Variants in DBNDD2 observed in about 807,000 individuals in gnomAD.
The protein encoded by DBNDD2 is dysbindin domain containing 2.
A neutral mutation model predicts 14.0 loss-of-function variants in DBNDD2; 8 were observed. That is an observed-to-expected ratio of 0.57 (90% CI 0.33 to 1.03). The LOEUF (loss-of-function observed/expected upper bound fraction) is 1.03, where lower values mean the gene tolerates loss of function less well. Ranked by LOEUF, DBNDD2 falls within the 50% of genes least tolerant of loss-of-function variation. The probability of loss-of-function intolerance (pLI) is 0.03; values close to 1 mark genes in which losing one functional copy is unlikely to be tolerated. For missense variants in DBNDD2, 194 were observed against 206.0 expected (o/e 0.94, Z 0.36); for synonymous variants, 94 against 85.3 (o/e 1.10, Z -0.56).
upstream of DBNDD2, chr20:45,407,676 G>A: frequency 1.0e-6 from 1 of 991,482 alleles, no homozygotes; most frequent in Non-Finnish European, 1.2e-6. Context: ...TCAGTGAGAT[G>A]TGTCCCAGGA....
chr20:45,407,313 C>T, upstream of DBNDD2: 1 of 986,070 alleles, frequency 1.0e-6, no homozygotes, highest in East Asian at 1.1e-4. Context: ...CCCAGACTTC[C>T]GTGGCCCTGC....
At chr20:45,406,568 C>T (rs1375761520), upstream of DBNDD2, 2 of 1,483,258 alleles carry the variant, frequency 1.3e-6, no homozygotes, top group Non-Finnish European at 1.8e-6. Context: ...CCCTCCCCCA[C>T]TTCCGCCTCC....
upstream of DBNDD2, chr20:45,407,928 G>T (rs748434492): frequency 7.4e-7 from 1 of 1,356,808 alleles, no homozygotes; most frequent in Admixed American, 3.1e-5. Context: ...GTTTGTGTGG[G>T]TGGAGAGAAA....
intron 2 of DBNDD2, 34 bp from the exon 3 acceptor site, chr20:45,409,898 G>A (rs1043412769): frequency 3.5e-5 from 54 of 1,549,852 alleles, no homozygotes; most frequent in Non-Finnish European, 4.5e-5. Flanking sequence ...CTGAAGCCCT[G>A]TTTGTGGCCT....
upstream of DBNDD2, chr20:45,408,225 C>T (rs11541733): frequency 0.015 from 23,699 of 1,551,186 alleles, 222 homozygotes; most frequent in Non-Finnish European, 0.018. Flanking sequence ...GTGCCTGGAA[C>T]TGGCATCCCC....
At chr20:45,407,362 G>A, upstream of DBNDD2, 1 of 985,794 alleles carries the variant, frequency 1.0e-6, no homozygotes, top group Non-Finnish European at 1.2e-6. Context: ...CACCTCTGTG[G>A]CGCCCGTGGA....
rs1471236033 is a variant in DBNDD2 at position 45,410,332 on chromosome 20, C to T, written c.*192C>T. ...CTTTACTGCTAATTTTTTCCTGCTG[C>T]AACCCTCCCACCAGTTTTTGGCTTA... On this transcript the variant is annotated 3_prime_UTR_variant, in exon 3 of 3. Coordinates refer to ENST00000372710, the MANE Select transcript of DBNDD2 (RefSeq NM_001048225.4). The T allele has an allele frequency of 7.6e-6, 5 of 661,696 alleles. No individual in the cohort carries two copies. Among genetic ancestry groups the T allele is most frequent in the Non-Finnish European group, 1.3e-5 (5 of 396,624 alleles). The allele number at this position is 661,696 out of a possible 1,614,324, so 41.0% of individuals were successfully genotyped here.
At chr20:45,406,717 G>T (rs563895935), upstream of DBNDD2, 342 of 1,296,358 alleles carry the variant, frequency 2.6e-4, 4 homozygotes, top group South Asian at 7.7e-3. Context: ...AGTCAGAGGG[G>T]GCGCCAGCGC....
intron 2 of DBNDD2, 30 bp from the exon 3 acceptor site, chr20:45,409,902 G>A (rs1989747512): frequency 1.3e-6 from 2 of 1,550,216 alleles, no homozygotes; most frequent in South Asian, 2.4e-5. Context: ...AGCCCTGTTT[G>A]TGGCCTGACC....
At chr20:45,408,745 C>A in intron 1 of DBNDD2, 56 bp from the exon 2 acceptor site, 5 of 1,587,048 alleles carry the variant, frequency 3.2e-6, no homozygotes, top group Non-Finnish European at 4.3e-6. Context: ...ATGTAACTCT[C>A]ACTGTCCTGG....
chr20:45,407,536 G>C, upstream of DBNDD2: 3 of 986,310 alleles, frequency 3.0e-6, no homozygotes, highest in Non-Finnish European at 3.6e-6. Flanking sequence ...GCACCGACCT[G>C]GGCTGGCCCA....
chr20:45,409,997 ACCT>A lies in DBNDD2; in HGVS notation c.361_363del (p.Ser121del), dbSNP rs753446087. On this transcript the variant is annotated inframe_deletion, in exon 3 of 3. Transcript: ENST00000372710. ...TACATCAGACAGGACCACATCTAGG[ACCT>A]CCTCCTCCTCCTCCTCCGACTCCTC... 2.3e-4 allele frequency: 359 copies of A among 1,528,736 alleles called. No individual in the cohort carries two copies. Among genetic ancestry groups the A allele is most frequent in the Non-Finnish European group, 2.7e-4 (303 of 1,131,534 alleles). 94.7% of individuals were successfully genotyped at this position (1,528,736 alleles called of 1,614,324 possible).
chr20:45,406,766 G>C (rs879553801), upstream of DBNDD2: 446 of 1,263,704 alleles, frequency 3.5e-4, no homozygotes, highest in Non-Finnish European at 3.5e-4. Flanking sequence ...CGCAGGTGCC[G>C]CGGTGGACCG....
At chr20:45,407,729 T>A (rs1400950589), upstream of DBNDD2, 26 of 997,664 alleles carry the variant, frequency 2.6e-5, no homozygotes, top group Admixed American at 5.4e-5. Flanking sequence ...GGAAAGATGG[T>A]AGTCTCCTAA....
At chr20:45,407,589 G>C, upstream of DBNDD2, 1 of 986,888 alleles carries the variant, frequency 1.0e-6, no homozygotes, top group African/African-American at 1.7e-5. Context: ...TCAGCCCTAG[G>C]GGTCAGGAGG....
chr20:45,406,390 A>G (rs1989376422), upstream of DBNDD2: 1 of 1,411,048 alleles, frequency 7.1e-7, no homozygotes, highest in Non-Finnish European at 9.5e-7. Context: ...AGCGGAGACT[A>G]GCGCACCGGC....
chr20:45,409,052 G>A (rs760988439), intron 2 of DBNDD2, 114 bp downstream of exon 2: 6 of 1,604,216 alleles, frequency 3.7e-6, no homozygotes, highest in South Asian at 1.1e-5. Context: ...GGCTGGAAGT[G>A]GGTGTTTCTA....
At chr20:45,409,591 T>C (rs749708290) in intron 2 of DBNDD2, among the ~76,000 whole-genome samples, 13 of 152,228 alleles carry the variant, frequency 8.5e-5, no homozygotes, top group Non-Finnish European at 1.8e-4. Context: ...CCAAAACCCT[T>C]TGGGGATGTA....
chr20:45,406,104 C>T (rs1275739323), upstream of DBNDD2: 1 of 228,612 alleles, frequency 4.4e-6, no homozygotes, highest in Non-Finnish European at 8.6e-6. Context: ...GGTCCTCCGC[C>T]GCCTTGCACC....
Sources: gnomAD v4.1 joint callset for allele counts (sites outside exome capture counted in the v4.1 genomes callset) on GRCh38, gnomAD v4.1.1 for gene constraint, MANE v1.5 for transcripts, NCBI Gene and HGNC (gene_info 2026-07-23, HGNC 2026-07-21) for gene names.